The following ITGA1 variants were observed in gnomAD, a reference collection of about 807,000 sequenced individuals.
ITGA1 encodes integrin subunit alpha 1, also known as integrin alpha-1.
Under a neutral mutation model 145.9 loss-of-function variants are expected in ITGA1, and 85 were observed. The observed-to-expected ratio is 0.58, with a 90% CI of 0.49 to 0.70. The LOEUF (loss-of-function observed/expected upper bound fraction) is 0.70, where lower values mean the gene tolerates loss of function less well. Among genes scored for constraint, ITGA1 ranks in the 30% least tolerant of loss-of-function variants. The probability of loss-of-function intolerance (pLI) is 0.00; values close to 1 mark genes in which losing one functional copy is unlikely to be tolerated. For synonymous variants in ITGA1, 520 were observed against 495.3 expected, an observed-to-expected ratio of 1.05 and a Z score of -0.66; for missense variants, 1,351 against 1,418.7, an observed-to-expected ratio of 0.95 and a Z score of 0.77.
chr5:52,895,627 G>A (rs532710629), intron 9 of ITGA1, among the ~76,000 whole-genome samples: 1 of 152,188 alleles, frequency 6.6e-6, no homozygotes, highest in South Asian at 2.1e-4. Flanking sequence ...CAAAAATGAA[G>A]CCCACTTCAG....
rs763649629 is a variant in ITGA1 at position 52,935,957 on chromosome 5, CTTTTTTTTTTTTTTTT to C, written c.2965-1423_2965-1408del. Among the ~76,000 whole-genome samples, 3 of 9,548 alleles carry C rather than the reference CTTTTTTTTTTTTTTTT, an allele frequency of 3.1e-4. 1 individual carries two copies. Among genetic ancestry groups the C allele is most frequent in the Admixed American group, 2.5e-3 (2 of 800 alleles). 6.3% of individuals were successfully genotyped at this position (9,548 alleles called of 152,430 possible). ...ATGGTAATTACAGAACACAGGATTT[CTTTTTTTTTTTTTTTT>C]TTTTTTTTTTTTTTTTTTTTGAGAC... is the stretch of plus-strand genomic sequence containing the variant. On this transcript the variant is annotated intron_variant, in intron 23 of 28. Coordinates refer to ENST00000282588, the MANE Select transcript of ITGA1 (RefSeq NM_181501.2).
At chr5:52,930,601 T>C (rs1266320692) in intron 21 of ITGA1, among the ~76,000 whole-genome samples, 2 of 152,104 alleles carry the variant, frequency 1.3e-5, no homozygotes, top group African/African-American at 4.8e-5. Context: ...AAATAATATC[T>C]ACTTGGCAAT....
chr5:52,929,444 A>T (rs1196679131), intron 20 of ITGA1, among the ~76,000 whole-genome samples, 181 bp from the exon 21 acceptor site: 3 of 152,188 alleles, frequency 2.0e-5, no homozygotes, highest in Non-Finnish European at 2.9e-5. Flanking sequence ...ACATTGAAAA[A>T]GAATATGTAT....
chr5:52,913,077 G>A (rs1750593130), intron 14 of ITGA1, among the ~76,000 whole-genome samples: 1 of 151,840 alleles, frequency 6.6e-6, no homozygotes, highest in African/African-American at 2.4e-5. Context: ...CATTTATCTA[G>A]TTTCCTTTCT....
chr5:52,916,409 T>A (rs974695407), intron 15 of ITGA1, among the ~76,000 whole-genome samples: 1 of 152,164 alleles, frequency 6.6e-6, no homozygotes, highest in Non-Finnish European at 1.5e-5. Flanking sequence ...ATGCATTGGT[T>A]TACTGTAATT....
At chr5:52,833,675 A>G (rs1040841332) in intron 1 of ITGA1, among the ~76,000 whole-genome samples, 1 of 152,156 alleles carries the variant, frequency 6.6e-6, no homozygotes, top group Non-Finnish European at 1.5e-5. Flanking sequence ...TCATAAAGTT[A>G]TAGTTTAGAA....
intron 8 of ITGA1, chr5:52,890,081 T>C (rs1321519857): frequency 2.0e-5 from 3 of 152,172 alleles, no homozygotes; most frequent in East Asian, 3.8e-4. Flanking sequence ...TTTAATAATA[T>C]TATAAGCATC....
rs6450100 is a variant in ITGA1, at chr5:52,954,054, C to T, written c.*1603C>T. The T allele has an allele frequency of 0.73, 111,437 of 152,078 alleles. 41,000 individuals are homozygous for T. The highest frequency in any genetic ancestry group is 0.81 in the Middle Eastern group (238 of 294). The allele number at this position is 152,078 out of a possible 1,614,324, so 9.4% of individuals were successfully genotyped here. A position where few individuals can be genotyped will look rare whatever the true frequency, so the allele number is the denominator to read the frequency against. ...TAAGATCCTGAAGGCCAAAGGAATGCGCCTGTGGGATGCCAAAGCCATCAG... is the reference window on the plus strand; with the variant it reads ...TAAGATCCTGAAGGCCAAAGGAATGTGCCTGTGGGATGCCAAAGCCATCAG... On this transcript the variant is annotated 3_prime_UTR_variant, in exon 29 of 29. Transcript: ENST00000282588.
chr5:52,817,981 G>A (rs1748804588), intron 1 of ITGA1, among the ~76,000 whole-genome samples: 1 of 152,094 alleles, frequency 6.6e-6, no homozygotes, highest in South Asian at 2.1e-4. Flanking sequence ...ACAGACAATA[G>A]TAAATAATAG....
chr5:52,933,891 A>G lies in ITGA1; in HGVS notation c.2862-3A>G. On this transcript the variant is annotated splice_polypyrimidine_tract_variant and splice_region_variant and intron_variant, in intron 22 of 28. Transcript: ENST00000282588. Reference sequence around the variant, plus strand: ...TTATTTTTCTTCTAATTAATTTTTTAAGCTCTGCAAGTGAATACCACATTT... The same window carrying G: ...TTATTTTTCTTCTAATTAATTTTTTGAGCTCTGCAAGTGAATACCACATTT... The G allele has an allele frequency of 7.0e-7, 1 of 1,430,174 alleles. No individual in the cohort carries two copies. Among genetic ancestry groups the G allele is most frequent in the Non-Finnish European group, 9.4e-7 (1 of 1,062,494 alleles). 88.6% of individuals were successfully genotyped at this position (1,430,174 alleles called of 1,614,324 possible).
Position 52,943,311 on chromosome 5 carries a change from T to TC in ITGA1, c.3286-1631dup, listed in dbSNP as rs1411816957. Among the ~76,000 whole-genome samples the TC allele has an allele frequency of 2.6e-5, 4 of 152,344 alleles. No individual in the cohort carries two copies. In the East Asian group the frequency reaches 7.7e-4, roughly 29 times the overall value. On this transcript the variant is annotated intron_variant, in intron 26 of 28. Coordinates refer to ENST00000282588, the MANE Select transcript of ITGA1 (RefSeq NM_181501.2). ...TCTCATCTTGGGGGACTGATGTTCT[T>TC]CAACTGTGGTGTAAGTTGAGTGTAG...
chr5:52,840,925 A>G (rs1275432025), intron 1 of ITGA1, among the ~76,000 whole-genome samples: 1 of 152,200 alleles, frequency 6.6e-6, no homozygotes, highest in Non-Finnish European at 1.5e-5. Flanking sequence ...TCCACCAGAC[A>G]CAGATATACA....
chr5:52,912,241 C>G (rs1301782582), intron 14 of ITGA1, among the ~76,000 whole-genome samples: 4 of 139,642 alleles, frequency 2.9e-5, no homozygotes, highest in Admixed American at 2.2e-4. Flanking sequence ...TCTAGTGTAT[C>G]TACAATATAT....
Position 52,897,511 on chromosome 5 carries a change from A to T in ITGA1, c.1147A>T (p.Ser383Cys), listed in dbSNP as rs781115967. ...FEMEMSQTGF[S>C]AHYSQDWVML... The stretch of plus-strand genomic sequence containing the variant: ...AATGGAAATGTCTCAGACTGGCTTC[A>T]GTGCTCATTATTCACAGGTATGTTG... Residue 383 changes from serine to cysteine, a missense_variant, in exon 10 of 29, where the codon AGT becomes TGT. By Grantham distance (112) the Ser-to-Cys change is moderately radical. Transcript: ENST00000282588. 1.9e-6 allele frequency: 3 copies of T among 1,612,968 alleles called. No individual in the cohort carries two copies. Among genetic ancestry groups the T allele is most frequent in the Non-Finnish European group, 2.5e-6 (3 of 1,179,076 alleles).
intron 13 of ITGA1, 119 bp from the exon 14 acceptor site, chr5:52,910,043 C>A: frequency 1.0e-6 from 1 of 969,454 alleles, no homozygotes; most frequent in Non-Finnish European, 1.5e-6. Context: ...GAAATTTTAC[C>A]AACTTTACCA....
intron 15 of ITGA1, among the ~76,000 whole-genome samples, chr5:52,916,723 C>T (rs1390887533): frequency 2.0e-5 from 3 of 152,136 alleles, no homozygotes; most frequent in Non-Finnish European, 4.4e-5. Context: ...GAAGCCAAGG[C>T]TCAAAACCAG....
rs151142143 is a variant in ITGA1 at position 52,905,803 on chromosome 5, G to T, written c.1350G>T (p.Val450=). 1.3e-4 allele frequency: 207 copies of T among 1,613,630 alleles called. No homozygotes were observed. The African/African-American group carries it at 2.5e-3, about 19-fold the overall frequency. Residue 450 remains valine, a synonymous_variant, in exon 12 of 29, where the codon GTG becomes GTT. Coordinates refer to ENST00000282588, the MANE Select transcript of ITGA1 (RefSeq NM_181501.2). ...CTGCTACTGCTTCTTCTGGAGATGTGCTCTATATTGCTGGACAGCCTCGGT... is the reference window on the plus strand; with the variant it reads ...CTGCTACTGCTTCTTCTGGAGATGTTCTCTATATTGCTGGACAGCCTCGGT... The part of the protein sequence containing the change: ...VNSATASSGD[V]LYIAGQPRYN...
intron 11 of ITGA1, chr5:52,902,570 CT>C (rs34173357): frequency 2.3e-3 from 338 of 149,552 alleles, no homozygotes; most frequent in Middle Eastern, 3.4e-3. Flanking sequence ...TTTTTTTCCT[CT>C]TTTTTTTTTC....
chr5:52,939,949 G>A lies in ITGA1; in HGVS notation c.3285+5G>A. The stretch of plus-strand genomic sequence containing the variant: ...TGGAAACCAACTTTTATAAAAGTAA[G>A]TAAATACATAGTTCTATGCACTTAT... On this transcript the variant is annotated splice_donor_5th_base_variant and intron_variant, in intron 26 of 28. Coordinates refer to ENST00000282588, the MANE Select transcript of ITGA1 (RefSeq NM_181501.2). 6.9e-7 allele frequency: 1 copy of A among 1,439,346 alleles called. No homozygotes were observed. Among genetic ancestry groups the A allele is most frequent in the Non-Finnish European group, 9.8e-7 (1 of 1,021,228 alleles). 89.2% of individuals were successfully genotyped at this position (1,439,346 alleles called of 1,614,324 possible).
Sources: allele counts gnomAD v4.1 joint callset (sites outside exome capture counted in the v4.1 genomes callset), GRCh38; gene constraint gnomAD v4.1.1; transcripts MANE v1.5; gene names NCBI Gene and HGNC (gene_info 2026-07-23, HGNC 2026-07-21).